OXR1: variants seen among roughly 807,000 people sequenced by gnomAD.
OXR1 encodes oxidation resistance 1.
OXR1 carries 41 observed loss-of-function variants against 104.6 expected under a neutral mutation model. The observed-to-expected ratio is 0.39, with a 90% confidence interval of 0.31 to 0.51. OXR1 has a LOEUF of 0.51. Ranked by LOEUF, OXR1 falls within the 20% of genes least tolerant of loss-of-function variation. The pLI, the probability that OXR1 is intolerant of heterozygous loss-of-function variation, is 0.77. For missense variants in OXR1, 955 were observed against 1,031.9 expected, an observed-to-expected ratio of 0.93 and a Z score of 1.02; for synonymous variants, 348 against 348.4, an observed-to-expected ratio of 1.00 and a Z score of 0.01.
intron 1 of OXR1, among the ~76,000 whole-genome samples, chr8:106,340,101 T>G (rs1265474693): frequency 6.6e-6 from 1 of 152,070 alleles, no homozygotes; most frequent in Non-Finnish European, 1.5e-5. Context: ...TGTAAAACCA[T>G]CATTCAGAAG....
chr8:106,721,609 T>C lies in OXR1; in HGVS notation c.1956+7624T>C, dbSNP rs561135799. On this transcript the variant is annotated intron_variant, in intron 11 of 16. Transcript: ENST00000517566. ...GGTTTTGAAACAACCTGTATCTTTT[T>C]AGGTACATGACATTAGTCACATTTT... is the stretch of plus-strand genomic sequence containing the variant. 6.6e-5 allele frequency among the ~76,000 whole-genome samples: 10 copies of C among 152,324 alleles called. No homozygotes were observed. In the East Asian group the frequency reaches 1.5e-3, roughly 24 times the overall value.
At chr8:106,285,679 C>G (rs72678525) in intron 1 of OXR1, among the ~76,000 whole-genome samples, 1 of 151,842 alleles carries the variant, frequency 6.6e-6, no homozygotes, top group African/African-American at 2.4e-5. Flanking sequence ...GATTCTGCAT[C>G]GTGATGCACT....
chr8:106,417,411 A>G (rs781340063), intron 2 of OXR1, among the ~76,000 whole-genome samples: 1 of 152,120 alleles, frequency 6.6e-6, no homozygotes, highest in Non-Finnish European at 1.5e-5. Flanking sequence ...AAGGTTTACT[A>G]TAGTGTGTTA....
chr8:106,320,874 G>T (rs1814188559), intron 1 of OXR1, among the ~76,000 whole-genome samples: 1 of 152,090 alleles, frequency 6.6e-6, no homozygotes, highest in African/African-American at 2.4e-5. Context: ...GTTTTGCCAT[G>T]TTGGCCAGAC....
chr8:106,430,307 T>G (rs550767455), intron 2 of OXR1, among the ~76,000 whole-genome samples: 1 of 152,322 alleles, frequency 6.6e-6, no homozygotes, highest in South Asian at 2.1e-4. Context: ...ACAGATGGAA[T>G]GAATGTTATG....
At chr8:106,308,075 T>C (rs1813539363) in intron 1 of OXR1, among the ~76,000 whole-genome samples, 2 of 151,962 alleles carry the variant, frequency 1.3e-5, no homozygotes, top group Admixed American at 1.3e-4. Context: ...CAGATGATTA[T>C]GGAGACTGAG....
Position 106,751,139 on chromosome 8 carries a change from C to T in OXR1, c.*198C>T. On this transcript the variant is annotated 3_prime_UTR_variant, in exon 17 of 17. Coordinates refer to ENST00000517566, the MANE Select transcript of OXR1 (RefSeq NM_001198533.2). ...TGTCCCAGAGTTCTTTAGGTTAACACTAGGGACTGCGTCCATGTACTAGTA... is the reference window on the plus strand; with the variant it reads ...TGTCCCAGAGTTCTTTAGGTTAACATTAGGGACTGCGTCCATGTACTAGTA... The T allele has an allele frequency of 4.5e-6, 2 of 440,154 alleles. No homozygotes were observed. Among genetic ancestry groups the T allele is most frequent in the Non-Finnish European group, 4.0e-6 (1 of 251,858 alleles). The allele number at this position is 440,154 out of a possible 1,614,324, so 27.3% of individuals were successfully genotyped here. A position where few individuals can be genotyped will look rare whatever the true frequency, so the allele number is the denominator to read the frequency against.
chr8:106,358,689 A>C (rs1191332049), intron 1 of OXR1, among the ~76,000 whole-genome samples: 2 of 152,152 alleles, frequency 1.3e-5, no homozygotes, highest in African/African-American at 4.8e-5. Flanking sequence ...TTTGATTCAA[A>C]ATCATAGGAC....
At position 106,405,177 on chromosome 8, in the gene OXR1, T is replaced by C. The variant is rs1274632748; in HGVS notation, c.23+45541T>C. On this transcript the variant is annotated intron_variant, in intron 2 of 16. Coordinates refer to ENST00000517566, the MANE Select transcript of OXR1 (RefSeq NM_001198533.2). ...ATATATATATATATATATATATATA[T>C]ATATATATATATATATATATATATA... Among the ~76,000 whole-genome samples, 65 of 27,418 alleles carry C rather than the reference T, an allele frequency of 2.4e-3. 2 individuals carry two copies. The highest frequency in any genetic ancestry group is 0.014 in the African/African-American group (60 of 4,194). The allele number at this position is 27,418 out of a possible 152,430, so 18.0% of individuals were successfully genotyped here.
At chr8:106,394,001 C>T (rs923010772) in intron 2 of OXR1, among the ~76,000 whole-genome samples, 3 of 151,898 alleles carry the variant, frequency 2.0e-5, no homozygotes, top group Admixed American at 6.6e-5. Flanking sequence ...AATAATGGGA[C>T]ACAAATTTTA....
At chr8:106,738,653 T>G (rs1360801710) in intron 12 of OXR1, among the ~76,000 whole-genome samples, 1 of 151,300 alleles carries the variant, frequency 6.6e-6, no homozygotes, top group Non-Finnish European at 1.5e-5. Context: ...AAATTAATAT[T>G]AAAAAGTAAG....
chr8:106,349,120 T>C (rs1815617275), intron 1 of OXR1, among the ~76,000 whole-genome samples: 1 of 152,088 alleles, frequency 6.6e-6, no homozygotes, highest in Non-Finnish European at 1.5e-5. Flanking sequence ...AATGATATGT[T>C]CCCCATCAAA....
At chr8:106,460,891 C>A (rs1404586982) in intron 2 of OXR1, among the ~76,000 whole-genome samples, 1 of 151,792 alleles carries the variant, frequency 6.6e-6, no homozygotes, top group Non-Finnish European at 1.5e-5. Flanking sequence ...TGATATATTT[C>A]TATATTAGAA....
At chr8:106,550,988 C>G (rs748190274) in intron 3 of OXR1, among the ~76,000 whole-genome samples, 1 of 152,098 alleles carries the variant, frequency 6.6e-6, no homozygotes, top group African/African-American at 2.4e-5. Flanking sequence ...GACCTGAGAG[C>G]TTATTAATGT....
At chr8:106,592,612 G>T in intron 3 of OXR1, among the ~76,000 whole-genome samples, 1 of 152,150 alleles carries the variant, frequency 6.6e-6, no homozygotes, top group East Asian at 1.9e-4. Flanking sequence ...TAAGGGAAGA[G>T]CAAGCACAAA....
intron 1 of OXR1, among the ~76,000 whole-genome samples, chr8:106,338,618 C>T (rs1047176272): frequency 1.1e-4 from 16 of 151,032 alleles, no homozygotes; most frequent in Non-Finnish European, 2.4e-4. Context: ...TTCCTTATTC[C>T]CACTTTTTAA....
At chr8:106,427,874 A>G (rs181557370) in intron 2 of OXR1, among the ~76,000 whole-genome samples, 5 of 152,318 alleles carry the variant, frequency 3.3e-5, no homozygotes, top group African/African-American at 1.2e-4. Flanking sequence ...CCTTTAGCTT[A>G]GTGATGAAAA....
chr8:106,524,918 T>A (rs1813541974), intron 3 of OXR1, among the ~76,000 whole-genome samples: 1 of 152,140 alleles, frequency 6.6e-6, no homozygotes, highest in Admixed American at 6.5e-5. Flanking sequence ...ACCCTCACCA[T>A]CCTCCTCTGT....
At chr8:106,470,680 G>T (rs1348874261) in intron 2 of OXR1, among the ~76,000 whole-genome samples, 1 of 151,676 alleles carries the variant, frequency 6.6e-6, no homozygotes. Context: ...AGTAAGTGTA[G>T]ATAGAAAAGA....
Sources: gnomAD v4.1 joint callset for allele counts (sites outside exome capture counted in the v4.1 genomes callset) on GRCh38, gnomAD v4.1.1 for gene constraint, MANE v1.5 for transcripts, NCBI Gene and HGNC (gene_info 2026-07-23, HGNC 2026-07-21) for gene names.